TMEM182: variants seen among roughly 807,000 people sequenced by gnomAD.
The protein encoded by TMEM182 is transmembrane protein 182.
TMEM182 carries 20 observed loss-of-function variants against 26.8 expected under a neutral mutation model. The observed-to-expected ratio is 0.75, with a 90% CI of 0.53 to 1.09. The LOEUF is 1.09. Ranked by LOEUF, TMEM182 falls within the 50% of genes least tolerant of loss-of-function variation. TMEM182 has a pLI of 0.00. For missense variants in TMEM182, 277 were observed against 275.5 expected (o/e 1.01, Z -0.04); for synonymous variants, 109 against 102.2 (o/e 1.07, Z -0.40).
At chr2:102,784,640 A>G (rs1240737834) in intron 3 of TMEM182, among the ~76,000 whole-genome samples, 1 of 152,128 alleles carries the variant, frequency 6.6e-6, no homozygotes, top group Non-Finnish European at 1.5e-5. Flanking sequence ...AAGAATGGCT[A>G]CTCCATAGAC....
chr2:102,832,145 A>G (rs991333149), intron 3 of TMEM182, among the ~76,000 whole-genome samples: 7 of 152,196 alleles, frequency 4.6e-5, no homozygotes, highest in Admixed American at 1.3e-4. Flanking sequence ...ATCCGCCTAC[A>G]TTCTTTATTC....
intron 4 of TMEM182, 59 bp from the exon 5 acceptor site, chr2:102,814,689 A>G: frequency 2.0e-6 from 3 of 1,474,904 alleles, no homozygotes; most frequent in Non-Finnish European, 2.8e-6. Context: ...TGGTTTAGAT[A>G]GCGTTCTTGA....
At chr2:102,806,911 G>A (rs1415782735) in intron 4 of TMEM182, among the ~76,000 whole-genome samples, 1 of 152,142 alleles carries the variant, frequency 6.6e-6, no homozygotes, top group Non-Finnish European at 1.5e-5. Context: ...CAGAATCCAG[G>A]GGTGTGCCCT....
rs140590722 is a variant in TMEM182, at chr2:102,782,873, T to G, written c.332-14990T>G. Among the ~76,000 whole-genome samples, 203 of 152,296 alleles carry G rather than the reference T, an allele frequency of 1.3e-3. 3 individuals carry two copies. In the East Asian group the frequency reaches 0.019, roughly 14 times the overall value. On this transcript the variant is annotated intron_variant, in intron 3 of 4. Coordinates refer to ENST00000412401, the MANE Select transcript of TMEM182 (RefSeq NM_144632.5). ...CAAGTTTGGGGACATGGGGATAAAA[T>G]TACAGTGACTTTTAAGTGTTAATAT...
At chr2:102,742,586 A>G (rs1470891425) in intron 1 of TMEM182, among the ~76,000 whole-genome samples, 3 of 152,194 alleles carry the variant, frequency 2.0e-5, no homozygotes, top group Admixed American at 6.5e-5. Context: ...GAGAACACCA[A>G]ACAGGATAAA....
At chr2:102,813,717 C>T (rs1198531103) in intron 4 of TMEM182, among the ~76,000 whole-genome samples, 1 of 152,150 alleles carries the variant, frequency 6.6e-6, no homozygotes, top group Non-Finnish European at 1.5e-5. Context: ...GTGGTATTCT[C>T]CAGTTTCAGG....
intron 3 of TMEM182, among the ~76,000 whole-genome samples, chr2:102,832,956 C>A (rs1270575121): frequency 1.3e-5 from 2 of 152,198 alleles, no homozygotes; most frequent in African/African-American, 4.8e-5. Context: ...GGGTCTTTCT[C>A]ATCTCTAATG....
intron 3 of TMEM182, among the ~76,000 whole-genome samples, chr2:102,831,773 A>G (rs1436149220): frequency 1.3e-5 from 2 of 151,914 alleles, no homozygotes; most frequent in African/African-American, 2.4e-5. Context: ...AAAAAGAAAA[A>G]GAAGAGTGAT....
At chr2:102,832,471 G>A (rs1683172107) in intron 3 of TMEM182, among the ~76,000 whole-genome samples, 1 of 152,196 alleles carries the variant, frequency 6.6e-6, no homozygotes, top group South Asian at 2.1e-4. Context: ...AAAGAACGAA[G>A]ATACTGGGGC....
At position 102,814,865 on chromosome 2, in the gene TMEM182, T is replaced by G; in HGVS notation, c.587T>G (p.Leu196Arg). The G allele has an allele frequency of 6.2e-7, 1 of 1,614,024 alleles. No individual in the cohort carries two copies. The highest frequency in any genetic ancestry group is 1.1e-5 in the South Asian group (1 of 91,078). The stretch of plus-strand genomic sequence containing the variant: ...TGCCTGGATTTCACCCCTTCTGTTC[T>G]GTATGGCTGGTCATTTTTCCTGGCC... ...KDCLDFTPSV[L>R]YGWSFFLAPA... Residue 196 changes from leucine (L) to arginine (R), a missense_variant, in exon 5 of 5, where the codon CTG (leucine) becomes CGG (arginine). By Grantham distance (102) the Leu-to-Arg change is moderately radical. Coordinates refer to ENST00000412401, the MANE Select transcript of TMEM182 (RefSeq NM_144632.5).
At chr2:102,739,604 C>T (rs1679488782) in intron 1 of TMEM182, among the ~76,000 whole-genome samples, 1 of 152,158 alleles carries the variant, frequency 6.6e-6, no homozygotes, top group Non-Finnish European at 1.5e-5. Context: ...CCTTCATTCT[C>T]TCTTGCTCCT....
intron 3 of TMEM182, among the ~76,000 whole-genome samples, chr2:102,825,476 A>T (rs1432841263): frequency 1.3e-5 from 2 of 152,180 alleles, no homozygotes; most frequent in Admixed American, 6.5e-5. Flanking sequence ...AGACTCTTTG[A>T]ATCATAGCCA....
chr2:102,788,703 A>C (rs964908652), intron 3 of TMEM182, among the ~76,000 whole-genome samples: 1 of 152,052 alleles, frequency 6.6e-6, no homozygotes, highest in African/African-American at 2.4e-5. Flanking sequence ...TCCTGCTTCA[A>C]GGACTCAAGG....
In TMEM182 at chr2:102,762,223, AC is replaced by A; in HGVS notation, c.7del (p.Leu3Ter). On this transcript the variant is annotated frameshift_variant, in exon 1 of 5. Coordinates refer to ENST00000412401, the MANE Select transcript of TMEM182 (RefSeq NM_144632.5). LOFTEE classifies it high-confidence loss of function. Reference protein sequence around the residue: MRLNIAIFFGALF... With the variant: MRXNIAIFFGALF... ...AGGAAACCAGTGAATTGAAAATGAG[AC>A]TAAATATCGCTATCTTCTTTGGAGC... 6.2e-7 allele frequency: 1 copy of A among 1,612,610 alleles called. No homozygotes were observed. Among genetic ancestry groups the A allele is most frequent in the Non-Finnish European group, 8.5e-7 (1 of 1,179,240 alleles).
chr2:102,745,527 A>G (rs1471458912), intron 1 of TMEM182, among the ~76,000 whole-genome samples: 1 of 152,102 alleles, frequency 6.6e-6, no homozygotes, highest in Admixed American at 6.6e-5. Flanking sequence ...AACACATACA[A>G]TTTAATGGCT....
intron 4 of TMEM182, among the ~76,000 whole-genome samples, chr2:102,806,017 T>C (rs1488518901): frequency 6.6e-6 from 1 of 152,224 alleles, no homozygotes; most frequent in Non-Finnish European, 1.5e-5. Context: ...AATATGTGTC[T>C]CATTACTATC....
At chr2:102,749,960 G>T (rs1679829300) in intron 1 of TMEM182, among the ~76,000 whole-genome samples, 1 of 151,464 alleles carries the variant, frequency 6.6e-6, no homozygotes, top group African/African-American at 2.4e-5. Context: ...TGGTAAGATT[G>T]CCCTTTGTTT....
chr2:102,742,253 T>C (rs375581064), intron 1 of TMEM182, among the ~76,000 whole-genome samples: 3 of 152,298 alleles, frequency 2.0e-5, no homozygotes, highest in Non-Finnish European at 4.4e-5. Context: ...TTGCTTTTGA[T>C]GGACTCATCA....
intron 2 of TMEM182, among the ~76,000 whole-genome samples, chr2:102,763,723 G>A (rs534538949): frequency 6.6e-6 from 1 of 152,226 alleles, no homozygotes; most frequent in African/African-American, 2.4e-5. Context: ...GGAAGATTTT[G>A]CCAAAGACTT....
Sources: gnomAD v4.1 joint callset for allele counts (sites outside exome capture counted in the v4.1 genomes callset) on GRCh38, gnomAD v4.1.1 for gene constraint, MANE v1.5 for transcripts, NCBI Gene and HGNC (gene_info 2026-07-23, HGNC 2026-07-21) for gene names.